Variants in KCNG2 observed in about 807,000 individuals in gnomAD.
The protein encoded by KCNG2 is potassium voltage-gated channel modifier subfamily G member 2.
A neutral mutation model predicts 12.3 loss-of-function variants in KCNG2; 7 were observed. The observed-to-expected ratio is 0.57, with a 90% confidence interval of 0.32 to 1.07. KCNG2 has a LOEUF of 1.07. KCNG2 is among the 50% of genes least tolerant of loss of function. The pLI is 0.04. For missense variants in KCNG2, 703 were observed against 726.0 expected (o/e 0.97, Z 0.36); for synonymous variants, 414 against 351.4 (o/e 1.18, Z -1.99).
At chr18:79,825,168 A>G (rs1003007733) in intron 1 of KCNG2, among the ~76,000 whole-genome samples, 2 of 152,148 alleles carry the variant, frequency 1.3e-5, no homozygotes, top group Admixed American at 1.3e-4. Flanking sequence ...CTCTCCTGGG[A>G]CAGTTTTTGG....
chr18:79,887,217 A>G (rs1669728367), intron 3 of KCNG2, among the ~76,000 whole-genome samples: 1 of 151,110 alleles, frequency 6.6e-6, no homozygotes, highest in African/African-American at 2.4e-5. Flanking sequence ...ACGGGGATAT[A>G]GGGTCACAGG....
At chr18:79,837,526 C>T (rs1978343421) in intron 1 of KCNG2, among the ~76,000 whole-genome samples, 1 of 152,240 alleles carries the variant, frequency 6.6e-6, no homozygotes, top group African/African-American at 2.4e-5. Flanking sequence ...TAGAGGTTCT[C>T]CATGAGAGAA....
intron 3 of KCNG2, among the ~76,000 whole-genome samples, chr18:79,888,183 G>C (rs1403719940): frequency 6.6e-6 from 1 of 150,842 alleles, no homozygotes; most frequent in Non-Finnish European, 1.5e-5. Flanking sequence ...GAGGCCATGG[G>C]GAGCACCCGC....
rs771118162 is a variant in KCNG2 at position 79,899,766 on chromosome 18, G to T, written c.1351G>T (p.Gly451Cys). Residue 451 changes from glycine (G) to cysteine (C), a missense_variant, in exon 4 of 4, where the codon GGC becomes TGC. Gly to Cys is a radical substitution (Grantham distance 159). Transcript: ENST00000316249. ...EDSSQGPDSAGLADDSADALW... is the reference protein window; with the variant it reads ...EDSSQGPDSACLADDSADALW... Reference sequence around the variant, plus strand: ...CAGCTCGCAGGGCCCCGACAGCGCGGGCCTGGCCGACGACTCCGCGGATGC... The same window carrying T: ...CAGCTCGCAGGGCCCCGACAGCGCGTGCCTGGCCGACGACTCCGCGGATGC... The T allele has an allele frequency of 2.0e-5, 30 of 1,520,088 alleles. No homozygotes were observed. The highest frequency in any genetic ancestry group is 1.9e-5 in the Non-Finnish European group (22 of 1,143,024). The allele number at this position is 1,520,088 out of a possible 1,614,324, so 94.2% of individuals were successfully genotyped here.
At chr18:79,831,551 C>G (rs55750597) in intron 1 of KCNG2, among the ~76,000 whole-genome samples, 89 of 118,064 alleles carry the variant, frequency 7.5e-4, no homozygotes, top group Admixed American at 1.2e-3. Context: ...TCGTCAGGAG[C>G]GTGCCCTGCG....
chr18:79,853,132 G>GA (rs1251688592), intron 1 of KCNG2, among the ~76,000 whole-genome samples: 1 of 152,248 alleles, frequency 6.6e-6, no homozygotes, highest in Non-Finnish European at 1.5e-5. Flanking sequence ...GTGTTCCCAG[G>GA]AATACGAGGG....
rs571878476 is a variant in KCNG2 at position 79,899,879 on chromosome 18, G to A, written c.*63G>A. 2.5e-5 allele frequency: 32 copies of A among 1,277,530 alleles called. No homozygotes were observed. The African/African-American group carries it at 4.7e-4, about 19-fold the overall frequency. 79.1% of individuals were successfully genotyped at this position (1,277,530 alleles called of 1,614,324 possible). On this transcript the variant is annotated 3_prime_UTR_variant, in exon 4 of 4. Coordinates refer to ENST00000316249, the MANE Select transcript of KCNG2 (RefSeq NM_012283.2). The stretch of plus-strand genomic sequence containing the variant: ...CAGCTGCAGCGTCGGGACCCCCGAG[G>A]TGCGCCAAGGGGTGGGGGGCGTCTG...
At chr18:79,850,591 CATCTTTAA>C (rs1342683806) in intron 1 of KCNG2, among the ~76,000 whole-genome samples, 1 of 152,178 alleles carries the variant, frequency 6.6e-6, no homozygotes, top group East Asian at 1.9e-4. Flanking sequence ...TTCTGATCTT[CATCTTTAA>C]ATTTGAGCCT....
At chr18:79,850,877 C>T (rs7227642) in intron 1 of KCNG2, among the ~76,000 whole-genome samples, 11,822 of 152,198 alleles carry the variant, frequency 0.078, 576 homozygotes, top group East Asian at 0.14. Flanking sequence ...AGGGCAGGCG[C>T]CGGACCAGGT....
intron 3 of KCNG2, among the ~76,000 whole-genome samples, chr18:79,880,292 G>C (rs372206181): frequency 1.4e-5 from 2 of 145,936 alleles, no homozygotes; most frequent in East Asian, 3.9e-4. Context: ...CCTCCAGCCT[G>C]GGTGACAGAG....
intron 1 of KCNG2, among the ~76,000 whole-genome samples, chr18:79,798,392 G>A (rs548304469): frequency 3.7e-4 from 57 of 152,248 alleles, no homozygotes; most frequent in African/African-American, 1.2e-3. Flanking sequence ...GGGAGCCCGG[G>A]TGAGCCGAAG....
At chr18:79,812,113 G>T (rs533880937) in intron 1 of KCNG2, among the ~76,000 whole-genome samples, 1 of 152,298 alleles carries the variant, frequency 6.6e-6, no homozygotes, top group Non-Finnish European at 1.5e-5. Flanking sequence ...ACAGATTCAG[G>T]AAGCAGAAAG....
At chr18:79,812,161 A>C (rs890642653) in intron 1 of KCNG2, among the ~76,000 whole-genome samples, 5 of 152,188 alleles carry the variant, frequency 3.3e-5, no homozygotes, top group Non-Finnish European at 7.3e-5. Context: ...AAATTAAATA[A>C]CATGCCTTAA....
At position 79,830,748 on chromosome 18, in the gene KCNG2, TC is replaced by T. The variant is rs1483569500; in HGVS notation, c.-114-25628del. 5.4e-5 allele frequency among the ~76,000 whole-genome samples: 8 copies of T among 147,524 alleles called. 1 individual carries two copies. Among genetic ancestry groups the T allele is most frequent in the Non-Finnish European group, 1.2e-4 (8 of 66,798 alleles). ...CAGACAGAGCCTTCGTCAGGAGGGT[TC>T]CCTGCGGACAGAGCCTTCGTCAGGA... is the stretch of plus-strand genomic sequence containing the variant. On this transcript the variant is annotated intron_variant, in intron 1 of 3. Coordinates refer to ENST00000316249, the MANE Select transcript of KCNG2 (RefSeq NM_012283.2).
Position 79,863,910 on chromosome 18 carries a change from C to A in KCNG2, c.243C>A (p.Ile81=), listed in dbSNP as rs1352251047. 3 of 1,409,934 alleles carry A rather than the reference C, an allele frequency of 2.1e-6. No individual in the cohort carries two copies. The South Asian group carries it at 4.3e-5, about 20-fold the overall frequency. 87.3% of individuals were successfully genotyped at this position (1,409,934 alleles called of 1,614,324 possible). A position where few individuals can be genotyped will look rare whatever the true frequency, so the allele number is the denominator to read the frequency against. ...FDRSPCAFRA[I]VALLRAGKLR... is the part of the protein sequence containing the mutation. ...GCAGCCCGTGCGCCTTCCGCGCCAT[C>A]GTGGCGCTTTTGCGCGCAGGGAAGC... Residue 81 remains isoleucine, a synonymous_variant, in exon 3 of 4, where the codon ATC becomes ATA. Transcript: ENST00000316249.
At chr18:79,890,370 C>G (rs1476723087) in intron 3 of KCNG2, among the ~76,000 whole-genome samples, 1 of 152,104 alleles carries the variant, frequency 6.6e-6, no homozygotes, top group Non-Finnish European at 1.5e-5. Flanking sequence ...AGCTCTGCTA[C>G]CCGGACATAT....
Position 79,797,959 on chromosome 18 carries a change from G to T in KCNG2, c.-170G>T, listed in dbSNP as rs2087374911. ...CTCCAGAGACGCCGCGCTCCGCCCC[G>T]AGGAGGCCGCCGGCCGGGTAAGCGG... On this transcript the variant is annotated 5_prime_UTR_variant, in exon 1 of 4. Transcript: ENST00000316249. 6.6e-6 allele frequency among the ~76,000 whole-genome samples: 1 copy of T among 151,748 alleles called. No individual in the cohort carries two copies. The highest frequency in any genetic ancestry group is 2.4e-5 in the African/African-American group (1 of 41,314).
chr18:79,862,198 G>C (rs1045261771), intron 2 of KCNG2, among the ~76,000 whole-genome samples: 5 of 152,038 alleles, frequency 3.3e-5, no homozygotes, highest in Non-Finnish European at 7.4e-5. Flanking sequence ...GTAATTTTTT[G>C]TTGAAAATGA....
chr18:79,807,053 G>C (rs1255714627), intron 1 of KCNG2, among the ~76,000 whole-genome samples: 2 of 152,136 alleles, frequency 1.3e-5, no homozygotes. Flanking sequence ...GAGAGCTCAG[G>C]GGCACCTTTG....
Sources: allele counts gnomAD v4.1 joint callset (sites outside exome capture counted in the v4.1 genomes callset), GRCh38; gene constraint gnomAD v4.1.1; transcripts MANE v1.5; gene names NCBI Gene and HGNC (gene_info 2026-07-23, HGNC 2026-07-21).